IMMP2L: variants seen among roughly 807,000 people sequenced by gnomAD.
The protein encoded by IMMP2L is inner mitochondrial membrane peptidase subunit 2.
IMMP2L carries 18 observed loss-of-function variants against 19.3 expected under a neutral mutation model. The observed-to-expected ratio is 0.93, with a 90% CI of 0.64 to 1.38. The LOEUF (loss-of-function observed/expected upper bound fraction) is 1.38. Among genes scored for constraint, IMMP2L ranks in the 40% most tolerant of loss-of-function variants. The probability of loss-of-function intolerance (pLI) is 0.00; values close to 1 mark genes in which losing one functional copy is unlikely to be tolerated. For missense variants in IMMP2L, 233 were observed against 218.2 expected, an observed-to-expected ratio of 1.07 and a Z score of -0.43; for synonymous variants, 76 against 73.0, an observed-to-expected ratio of 1.04 and a Z score of -0.21.
At chr7:110,909,735 T>C (rs1162172173) in intron 4 of IMMP2L, among the ~76,000 whole-genome samples, 1 of 152,120 alleles carries the variant, frequency 6.6e-6, no homozygotes, top group African/African-American at 2.4e-5. Context: ...CCTCCATTCA[T>C]CTAGCCGTTT....
chr7:111,022,075 T>G lies in IMMP2L; in HGVS notation c.240-58510A>C, dbSNP rs554441821. 7.2e-5 allele frequency among the ~76,000 whole-genome samples: 11 copies of G among 152,288 alleles called. No individual in the cohort carries two copies. The South Asian group carries it at 2.3e-3, about 32-fold the overall frequency. ...TATCACTCACCCTAATCAATCAACA[T>G]TTCCTAAGTAGAATCACCTATGCTG... On this transcript the variant is annotated intron_variant, in intron 3 of 5. Coordinates refer to ENST00000405709, the MANE Select transcript of IMMP2L (RefSeq NM_032549.4).
intron 3 of IMMP2L, among the ~76,000 whole-genome samples, chr7:111,105,171 A>T (rs1332710859): frequency 6.6e-6 from 1 of 151,864 alleles, no homozygotes; most frequent in African/African-American, 2.4e-5. Flanking sequence ...AAAACCTTTG[A>T]AGTGCCCTTT....
chr7:111,199,028 A>G (rs563899601), intron 3 of IMMP2L, among the ~76,000 whole-genome samples: 1 of 152,100 alleles, frequency 6.6e-6, no homozygotes, highest in Non-Finnish European at 1.5e-5. Flanking sequence ...CTTGATAGCT[A>G]TGTCAGTCAC....
intron 3 of IMMP2L, among the ~76,000 whole-genome samples, chr7:111,051,637 A>G (rs982512302): frequency 1.4e-4 from 21 of 152,244 alleles, no homozygotes; most frequent in Admixed American, 1.0e-3. Context: ...TTTGAGATAT[A>G]AGTTGTTGTC....
chr7:110,880,105 T>C (rs558983756), intron 5 of IMMP2L, among the ~76,000 whole-genome samples: 20 of 152,254 alleles, frequency 1.3e-4, no homozygotes, highest in South Asian at 1.0e-3. Context: ...CTGATGGCTA[T>C]AGTAAAAAAC....
rs550875341 is a variant in IMMP2L, at chr7:111,309,141, G to A, written c.239+178097C>T. 2.6e-5 allele frequency among the ~76,000 whole-genome samples: 4 copies of A among 152,018 alleles called. No homozygotes were observed. In the South Asian group the frequency reaches 6.2e-4, roughly 24 times the overall value. ...ATTTGGGATCAAGATTTGAGAGAAG[G>A]AAGAAAAAATAAGAAGACATTATTT... On this transcript the variant is annotated intron_variant, in intron 3 of 5. Transcript: ENST00000405709.
intron 2 of IMMP2L, among the ~76,000 whole-genome samples, chr7:111,489,476 G>T (rs976290647): frequency 6.6e-6 from 1 of 152,154 alleles, no homozygotes; most frequent in African/African-American, 2.4e-5. Flanking sequence ...TTCACTGAGG[G>T]GCTGATGACA....
intron 3 of IMMP2L, among the ~76,000 whole-genome samples, chr7:111,192,826 GAC>G (rs1809039990): frequency 6.6e-6 from 1 of 152,090 alleles, no homozygotes; most frequent in Non-Finnish European, 1.5e-5. Context: ...AAAGGCAGAA[GAC>G]ACAACTAAGA....
rs544965582 is a variant in IMMP2L at position 111,060,672 on chromosome 7, C to A, written c.240-97107G>T. ...TTCAGTATCCATCTTAGTGTTTTTG[C>A]AAAAGATCTAAATGCATTAATTCAT... On this transcript the variant is annotated intron_variant, in intron 3 of 5. Transcript: ENST00000405709. 6.6e-5 allele frequency among the ~76,000 whole-genome samples: 10 copies of A among 152,240 alleles called. No individual in the cohort carries two copies. In the South Asian group the frequency reaches 2.1e-3, roughly 32 times the overall value.
At chr7:111,437,562 G>C (rs931286685) in intron 3 of IMMP2L, among the ~76,000 whole-genome samples, 2 of 151,906 alleles carry the variant, frequency 1.3e-5, no homozygotes, top group Admixed American at 1.3e-4. Context: ...ATAACGTCTA[G>C]AAATATATGT....
intron 4 of IMMP2L, among the ~76,000 whole-genome samples, chr7:110,910,368 T>C (rs1376554786): frequency 6.6e-6 from 1 of 152,214 alleles, no homozygotes; most frequent in African/African-American, 2.4e-5. Flanking sequence ...TGCATTTTAA[T>C]CAAATTAATA....
chr7:111,082,198 C>A (rs1394584663), intron 3 of IMMP2L, among the ~76,000 whole-genome samples: 11 of 152,204 alleles, frequency 7.2e-5, no homozygotes, highest in Admixed American at 7.2e-4. Context: ...CGGAGCAAAT[C>A]TACATTAATA....
At chr7:111,043,831 G>A (rs1453641859) in intron 3 of IMMP2L, among the ~76,000 whole-genome samples, 1 of 152,172 alleles carries the variant, frequency 6.6e-6, no homozygotes, top group Non-Finnish European at 1.5e-5. Context: ...GCAAAAAACA[G>A]TTGTGGACAG....
At chr7:111,012,911 T>C (rs2129563968) in intron 3 of IMMP2L, among the ~76,000 whole-genome samples, 1 of 152,272 alleles carries the variant, frequency 6.6e-6, no homozygotes, top group Admixed American at 6.5e-5. Context: ...AATTTGCAAT[T>C]AGGAAGAGGA....
intron 3 of IMMP2L, among the ~76,000 whole-genome samples, chr7:111,229,217 T>C (rs573875935): frequency 1.3e-5 from 2 of 152,172 alleles, no homozygotes; most frequent in South Asian, 4.1e-4. Context: ...CTTAATATTT[T>C]TATAATACTT....
At chr7:111,330,819 G>GA (rs1438132373) in intron 3 of IMMP2L, among the ~76,000 whole-genome samples, 6 of 151,780 alleles carry the variant, frequency 4.0e-5, no homozygotes, top group Admixed American at 2.0e-4. Flanking sequence ...GCAGACATAT[G>GA]AAAAAATGTT....
In IMMP2L at chr7:111,123,060, C is replaced by G; in HGVS notation, c.240-159495G>C. ...CAGACTTTCCAGTAAACCTTACTGG[C>G]CTGGATTTATCTCAAAACAATTTAT... On this transcript the variant is annotated intron_variant, in intron 3 of 5. Transcript: ENST00000405709. The surrounding 1 kb of genome is among the most constrained non-coding windows in gnomAD (Gnocchi z 6.4). 1 of 1,613,716 alleles carries G rather than the reference C, an allele frequency of 6.2e-7. No individual in the cohort carries two copies. Among genetic ancestry groups the G allele is most frequent in the Non-Finnish European group, 8.5e-7 (1 of 1,179,888 alleles).
At chr7:110,909,640 G>A (rs892884440) in intron 4 of IMMP2L, among the ~76,000 whole-genome samples, 1 of 152,058 alleles carries the variant, frequency 6.6e-6, no homozygotes, top group African/African-American at 2.4e-5. Context: ...CTCTCTCAGA[G>A]GCTACTCTCT....
At chr7:110,878,335 A>C (rs1809284897) in intron 5 of IMMP2L, among the ~76,000 whole-genome samples, 1 of 152,158 alleles carries the variant, frequency 6.6e-6, no homozygotes, top group Admixed American at 6.6e-5. Flanking sequence ...CTATGAATAG[A>C]TTTCCTTTCA....
Sources: allele counts gnomAD v4.1 joint callset (sites outside exome capture counted in the v4.1 genomes callset), GRCh38; gene constraint gnomAD v4.1.1; non-coding constraint Gnocchi (gnomAD v3.1); transcripts MANE v1.5; gene names NCBI Gene and HGNC (gene_info 2026-07-23, HGNC 2026-07-21).